Variants in SANBR observed in about 807,000 individuals in gnomAD.
The protein encoded by SANBR is SANT and BTB domain regulator of CSR.
In SANBR, 77 loss-of-function variants were observed where a neutral mutation model predicts 101.8. That is an observed-to-expected ratio of 0.76 (90% confidence interval 0.63 to 0.91). SANBR has a LOEUF of 0.91. Ranked by LOEUF, SANBR falls within the 40% of genes least tolerant of loss-of-function variation. SANBR has a pLI of 0.00. For missense variants in SANBR, 875 were observed against 853.0 expected (o/e 1.03, Z -0.32); for synonymous variants, 279 against 274.7 (o/e 1.02, Z -0.15).
intron 21 of SANBR, 116 bp downstream of exon 21, chr2:61,121,392 T>C: frequency 3.3e-6 from 2 of 603,976 alleles, no homozygotes; most frequent in Non-Finnish European, 5.8e-6. Flanking sequence ...ATGTTTTGTT[T>C]CAATGATTAT....
At chr2:61,067,055 A>G (rs924987619) in intron 1 of SANBR, among the ~76,000 whole-genome samples, 20 of 152,298 alleles carry the variant, frequency 1.3e-4, no homozygotes, top group African/African-American at 4.8e-5. Flanking sequence ...GAGGTGCACT[A>G]TAACAGCTAT....
At chr2:61,117,416 T>G (rs1201380086) in intron 18 of SANBR, 31 bp downstream of exon 18, 2 of 1,612,946 alleles carry the variant, frequency 1.2e-6, no homozygotes. Context: ...CAATCGGATA[T>G]CCACTCTTAA....
chr2:61,088,298 T>G lies in SANBR; in HGVS notation c.977+53T>G, dbSNP rs916030977. On this transcript the variant is annotated intron_variant, in intron 9 of 21. Coordinates refer to ENST00000402291, the MANE Select transcript of SANBR (RefSeq NM_001129993.3). ...GTACTTTATAATGCAGCTATATTCT[T>G]TAATTTACTACATTTACATTCTTCT... 3.2e-6 allele frequency: 5 copies of G among 1,568,688 alleles called. No individual in the cohort carries two copies. The South Asian group carries it at 5.9e-5, about 19-fold the overall frequency.
At chr2:61,088,605 C>T in intron 10 of SANBR, 137 bp downstream of exon 10, 1 of 501,276 alleles carries the variant, frequency 2.0e-6, no homozygotes, top group Non-Finnish European at 3.3e-6. Context: ...CTGCAACCTT[C>T]CGCCTCCCAG....
chr2:61,069,823 A>G (rs2104839245), intron 2 of SANBR: 1 of 152,506 alleles, frequency 6.6e-6, no homozygotes, highest in South Asian at 2.1e-4. Flanking sequence ...GAAGCTTTCA[A>G]AATTACTTAA....
intron 6 of SANBR, among the ~76,000 whole-genome samples, chr2:61,078,928 A>G (rs1681939890): frequency 6.6e-6 from 1 of 151,926 alleles, no homozygotes; most frequent in Admixed American, 6.6e-5. Context: ...AATCCCAGCT[A>G]CTTGGGAGGG....
intron 12 of SANBR, 132 bp from the exon 13 acceptor site, chr2:61,103,721 A>G (rs1397275281): frequency 2.6e-6 from 2 of 755,396 alleles, no homozygotes; most frequent in East Asian, 2.7e-5. Flanking sequence ...TGTATGAGGA[A>G]TGTTTTTCTT....
intron 14 of SANBR, 90 bp downstream of exon 14, chr2:61,106,752 A>C: frequency 6.6e-6 from 5 of 757,640 alleles, no homozygotes; most frequent in Non-Finnish European, 1.1e-5. Flanking sequence ...TTAAGTTGAA[A>C]TTGAACTGAC....
At chr2:61,098,521 A>G (rs1683141751) in intron 12 of SANBR, among the ~76,000 whole-genome samples, 1 of 152,202 alleles carries the variant, frequency 6.6e-6, no homozygotes, top group Non-Finnish European at 1.5e-5. Context: ...TAACTGCTGT[A>G]TAATATTCCA....
chr2:61,083,403 TC>T (rs1342846396), intron 8 of SANBR, 89 bp downstream of exon 8: 1 of 927,694 alleles, frequency 1.1e-6, no homozygotes, highest in Non-Finnish European at 1.6e-6. Context: ...CTTTCTTTTT[TC>T]TTTTTTCTTT....
Position 61,070,469 on chromosome 2 carries a change from C to G in SANBR, c.119C>G (p.Ala40Gly). The G allele has an allele frequency of 6.2e-7, 1 of 1,602,888 alleles. No individual in the cohort carries two copies. Among genetic ancestry groups the G allele is most frequent in the Non-Finnish European group, 8.5e-7 (1 of 1,175,752 alleles). ...IPQTINWETI[A>G]RLVPGLTPKE... ...CAGACTATCAACTGGGAAACTATAG[C>G]AAGGCTCGTGCCTGGATTAACACCA... Residue 40 changes from alanine to glycine, a missense_variant, in exon 3 of 22, where the codon GCA becomes GGA. Ala to Gly is a moderately conservative substitution (Grantham distance 60, BLOSUM62 0). Transcript: ENST00000402291.
At chr2:61,111,954 A>C (rs1683849111) in intron 16 of SANBR, among the ~76,000 whole-genome samples, 1 of 152,128 alleles carries the variant, frequency 6.6e-6, no homozygotes, top group African/African-American at 2.4e-5. Flanking sequence ...TCCCAATTTC[A>C]TGGGCATATG....
chr2:61,094,021 C>G (rs547419441), intron 11 of SANBR: 1 of 894,242 alleles, frequency 1.1e-6, no homozygotes, highest in African/African-American at 1.8e-5. Flanking sequence ...CTGTCACTTG[C>G]GTAATGATTT....
rs756747729 is a variant in SANBR at position 61,092,421 on chromosome 2, T to C, written c.1089-43T>C. 7.8e-6 allele frequency: 11 copies of C among 1,407,144 alleles called. No individual in the cohort carries two copies. The Admixed American group carries it at 1.3e-4, about 16-fold the overall frequency. The allele number at this position is 1,407,144 out of a possible 1,614,324, so 87.2% of individuals were successfully genotyped here. ...TAATTAAATAAATAAATAAAACAAA[T>C]TGTTTATATCACTTGCTTGTAAAAT... On this transcript the variant is annotated intron_variant, in intron 10 of 21. Coordinates refer to ENST00000402291, the MANE Select transcript of SANBR (RefSeq NM_001129993.3).
intron 10 of SANBR, chr2:61,089,623 C>T (rs533235343): frequency 6.6e-5 from 10 of 152,076 alleles, no homozygotes; most frequent in South Asian, 2.1e-4. Context: ...TGCAGTGAGC[C>T]GAGAGCACAC....
rs79030953 is a variant in SANBR at position 61,122,781 on chromosome 2, T to C, written c.*619T>C. ...TGGAAAGTACAATGTTAATCCAACTTTTTTTTCTTTCAGTTTTTAATGCTT... is the reference window on the plus strand; with the variant it reads ...TGGAAAGTACAATGTTAATCCAACTCTTTTTTCTTTCAGTTTTTAATGCTT... On this transcript the variant is annotated 3_prime_UTR_variant, in exon 22 of 22. Transcript: ENST00000402291. 0.028 allele frequency: 28,062 copies of C among 985,262 alleles called. 466 individuals are homozygous for C. The highest frequency in any genetic ancestry group is 0.031 in the East Asian group (282 of 8,956). 61.0% of individuals were successfully genotyped at this position (985,262 alleles called of 1,614,324 possible).
chr2:61,100,803 G>A (rs1280272534), intron 12 of SANBR, among the ~76,000 whole-genome samples: 1 of 152,088 alleles, frequency 6.6e-6, no homozygotes, highest in African/African-American at 2.4e-5. Flanking sequence ...TATACTCCTG[G>A]GAAGTTTGAG....
rs1460356045 is a variant in SANBR at position 61,087,487 on chromosome 2, G to T, written c.891-672G>T. 2.0e-5 allele frequency among the ~76,000 whole-genome samples: 3 copies of T among 151,778 alleles called. No individual in the cohort carries two copies. In the East Asian group the frequency reaches 5.8e-4, roughly 29 times the overall value. ...TGTGGGAGATCACCTGATCCCAGGA[G>T]TTTGAGGCCCAGGAGTCTGAGGTGC... On this transcript the variant is annotated intron_variant, in intron 8 of 21. Coordinates refer to ENST00000402291, the MANE Select transcript of SANBR (RefSeq NM_001129993.3).
chr2:61,083,324 A>C lies in SANBR; in HGVS notation c.890+10A>C. On this transcript the variant is annotated intron_variant, in intron 8 of 21. Coordinates refer to ENST00000402291, the MANE Select transcript of SANBR (RefSeq NM_001129993.3). ...AAGATAAATTTAAAAGGTAATTTCA[A>C]AAGTTTAATTTTAAACCTAATACTC... 6.6e-7 allele frequency: 1 copy of C among 1,510,160 alleles called. No homozygotes were observed. The highest frequency in any genetic ancestry group is 2.3e-5 in the East Asian group (1 of 43,370). The allele number at this position is 1,510,160 out of a possible 1,614,324, so 93.5% of individuals were successfully genotyped here.
Sources: gnomAD v4.1 joint callset for allele counts (sites outside exome capture counted in the v4.1 genomes callset) on GRCh38, gnomAD v4.1.1 for gene constraint, MANE v1.5 for transcripts, NCBI Gene and HGNC (gene_info 2026-07-23, HGNC 2026-07-21) for gene names.